Variants in PCDH17 observed in about 807,000 individuals in gnomAD.
The protein encoded by PCDH17 is protocadherin 17.
Under a neutral mutation model 67.7 loss-of-function variants are expected in PCDH17, and 21 were observed. That is an observed-to-expected ratio of 0.31 (90% CI 0.22 to 0.45). The LOEUF is 0.45. Ranked by LOEUF, PCDH17 falls within the 20% of genes least tolerant of loss-of-function variation. PCDH17 has a pLI of 1.00. For missense variants in PCDH17, 1,471 were observed against 1,564.8 expected (o/e 0.94, Z 1.01); for synonymous variants, 701 against 656.7 (o/e 1.07, Z -1.03).
intron 1 of PCDH17, among the ~76,000 whole-genome samples, chr13:57,639,818 A>G (rs901144199): frequency 6.6e-6 from 1 of 151,984 alleles, no homozygotes; most frequent in African/African-American, 2.4e-5. Context: ...AGATCGGCAT[A>G]GAAAAGTATG....
chr13:57,701,653 G>C (rs1293245804), intron 3 of PCDH17, among the ~76,000 whole-genome samples: 1 of 151,994 alleles, frequency 6.6e-6, no homozygotes, highest in East Asian at 1.9e-4. Context: ...TTTGTTTTCG[G>C]TTTTATGTAT....
At chr13:57,660,076 G>A (rs1217508631) in intron 1 of PCDH17, among the ~76,000 whole-genome samples, 1 of 151,806 alleles carries the variant, frequency 6.6e-6, no homozygotes. Context: ...CTATACTAAA[G>A]AAGAAAAAAG....
In PCDH17 at chr13:57,633,258, G is replaced by C; in HGVS notation, c.712G>C (p.Asp238His). 2 of 1,613,268 alleles carry C rather than the reference G, an allele frequency of 1.2e-6. No homozygotes were observed. Among genetic ancestry groups the C allele is most frequent in the Non-Finnish European group, 1.7e-6 (2 of 1,180,010 alleles). Reference sequence around the variant, plus strand: ...CAACGTGAAGGTGATTGACTCCAACGACAACAGCCCGGTCTTCGAGGCGCC... The same window carrying C: ...CAACGTGAAGGTGATTGACTCCAACCACAACAGCCCGGTCTTCGAGGCGCC... ...QINVKVIDSNDNSPVFEAPSY... is the reference protein window; with the variant it reads ...QINVKVIDSNHNSPVFEAPSY... The change falls in exon 1 of 4, where the codon GAC (aspartate) becomes CAC (histidine). Residue 238 changes from aspartate (D) to histidine (H), a missense_variant. Asp to His is a moderately conservative substitution (Grantham distance 81). Coordinates refer to ENST00000377918, the MANE Select transcript of PCDH17 (RefSeq NM_001040429.3). This position sits in a 1 kb window ranked among gnomAD's most constrained non-coding sequence, Gnocchi z 6.2.
intron 3 of PCDH17, among the ~76,000 whole-genome samples, chr13:57,713,561 A>G (rs1955794667): frequency 6.6e-6 from 1 of 151,572 alleles, no homozygotes; most frequent in Non-Finnish European, 1.5e-5. Flanking sequence ...GTATTGTTTG[A>G]GTAAGATCAA....
intron 3 of PCDH17, among the ~76,000 whole-genome samples, chr13:57,695,215 T>C (rs1018173331): frequency 1.3e-5 from 2 of 151,298 alleles, no homozygotes; most frequent in African/African-American, 4.8e-5. Flanking sequence ...GTAGTGTATC[T>C]GTTATAAAAC....
rs201088467 is a variant in PCDH17 at position 57,693,326 on chromosome 13, A to G, written c.2797+26493A>G. On this transcript the variant is annotated intron_variant, in intron 3 of 3. Transcript: ENST00000377918. ...TGTTCACTTACATTCATATATATAT[A>G]TATATATATATATATATATCAAGGA... is the stretch of plus-strand genomic sequence containing the variant. 4.3e-5 allele frequency among the ~76,000 whole-genome samples: 6 copies of G among 140,198 alleles called. No individual in the cohort carries two copies. The East Asian group carries it at 1.0e-3, about 24-fold the overall frequency. 92.0% of individuals were successfully genotyped at this position (140,198 alleles called of 152,430 possible).
chr13:57,633,534 C>G lies in PCDH17; in HGVS notation c.988C>G (p.Pro330Ala). The G allele has an allele frequency of 1.1e-5, 17 of 1,613,862 alleles. No homozygotes were observed. Among genetic ancestry groups the G allele is most frequent in the East Asian group, 2.2e-5 (1 of 44,850 alleles). The change falls in exon 1 of 4, where the codon CCT (proline) becomes GCT (alanine). Residue 330 changes from proline to alanine, a missense_variant. Physicochemically the swap from Pro to Ala is conservative, Grantham distance 27. This residue lies in a region of PCDH17 where 1,163 missense variants were observed against 1,230.0 expected (regional missense o/e 0.95). Transcript: ENST00000377918. This position sits in a 1 kb window ranked among gnomAD's most constrained non-coding sequence, Gnocchi z 6.2. ...DVQARDLGPN[P>A]IPAHCKVTVK... ...GCAGGCCCGAGACCTGGGGCCTAAC[C>G]CTATCCCAGCCCACTGCAAAGTCAC...
intron 3 of PCDH17, among the ~76,000 whole-genome samples, chr13:57,673,830 T>C (rs11839211): frequency 0.061 from 9,225 of 152,014 alleles, 419 homozygotes; most frequent in East Asian, 0.25. Flanking sequence ...TAATAGCTTC[T>C]CAGTGTCAAT....
intron 3 of PCDH17, among the ~76,000 whole-genome samples, chr13:57,717,896 C>A (rs1955835465): frequency 1.3e-5 from 2 of 152,006 alleles, no homozygotes; most frequent in South Asian, 4.1e-4. Flanking sequence ...CTTTATGGGG[C>A]TGATTTTTTA....
intron 3 of PCDH17, among the ~76,000 whole-genome samples, chr13:57,668,355 C>A (rs1470018096): frequency 6.6e-6 from 1 of 151,810 alleles, no homozygotes; most frequent in Non-Finnish European, 1.5e-5. Flanking sequence ...TATGAAAATG[C>A]CTAAAGTAAG....
chr13:57,637,634 A>T (rs913483833), intron 1 of PCDH17, among the ~76,000 whole-genome samples: 1 of 152,020 alleles, frequency 6.6e-6, no homozygotes, highest in Non-Finnish European at 1.5e-5. Context: ...GAGTGCACTT[A>T]GCCTAACTGC....
intron 1 of PCDH17, among the ~76,000 whole-genome samples, chr13:57,652,099 A>T (rs1179622772): frequency 6.6e-6 from 1 of 151,676 alleles, no homozygotes; most frequent in Middle Eastern, 3.2e-3. Flanking sequence ...TAACAAGGTG[A>T]AACCCCGTCT....
Position 57,632,975 on chromosome 13 carries a change from G to T in PCDH17, c.429G>T (p.Glu143Asp). 6.2e-7 allele frequency: 1 copy of T among 1,613,586 alleles called. No individual in the cohort carries two copies. The highest frequency in any genetic ancestry group is 8.5e-7 in the Non-Finnish European group (1 of 1,180,000). Residue 143 changes from glutamate to aspartate, a missense_variant, in exon 1 of 4, where the codon GAG becomes GAT. Transcript: ENST00000377918. ...SSDQIEMDISENAAPGTRFPL... is the reference protein window; with the variant it reads ...SSDQIEMDISDNAAPGTRFPL... ...ACCAGATCGAAATGGACATCTCGGA[G>T]AACGCTGCTCCGGGCACCCGCTTCC... is the stretch of plus-strand genomic sequence containing the variant.
At chr13:57,686,527 G>A (rs1955509578) in intron 3 of PCDH17, among the ~76,000 whole-genome samples, 1 of 151,926 alleles carries the variant, frequency 6.6e-6, no homozygotes, top group Non-Finnish European at 1.5e-5. Flanking sequence ...CCCATATAAA[G>A]TGATATGAAC....
At chr13:57,647,869 A>AT (rs1954985056) in intron 1 of PCDH17, among the ~76,000 whole-genome samples, 1 of 151,842 alleles carries the variant, frequency 6.6e-6, no homozygotes, top group South Asian at 2.1e-4. Context: ...TAGAATGCTA[A>AT]TTTTTTTAAC....
chr13:57,648,420 A>C (rs1021295909), intron 1 of PCDH17, among the ~76,000 whole-genome samples: 1 of 151,994 alleles, frequency 6.6e-6, no homozygotes, highest in African/African-American at 2.4e-5. Context: ...ATTGACCTTT[A>C]GCTGCCATTT....
rs762494747 is a variant in PCDH17, at chr13:57,633,001, C to T, written c.455C>T (p.Pro152Leu). 1 of 1,613,156 alleles carries T rather than the reference C, an allele frequency of 6.2e-7. No homozygotes were observed. Among genetic ancestry groups the T allele is most frequent in the South Asian group, 1.1e-5 (1 of 91,068 alleles). Residue 152 changes from proline (P) to leucine (L), a missense_variant, in exon 1 of 4, where the codon CCC becomes CTC. Pro to Leu is a moderately conservative substitution (Grantham distance 98). Coordinates refer to ENST00000377918, the MANE Select transcript of PCDH17 (RefSeq NM_001040429.3). The surrounding 1 kb of genome is among the most constrained non-coding windows in gnomAD (Gnocchi z 6.2). ...SENAAPGTRF[P>L]LTSAHDPDAG... is the part of the protein sequence containing the mutation. ...AACGCTGCTCCGGGCACCCGCTTCCCCCTCACCAGCGCACATGACCCCGAC... is the reference window on the plus strand; with the variant it reads ...AACGCTGCTCCGGGCACCCGCTTCCTCCTCACCAGCGCACATGACCCCGAC...
At chr13:57,670,009 GTT>G (rs1490253212) in intron 3 of PCDH17, among the ~76,000 whole-genome samples, 2 of 151,894 alleles carry the variant, frequency 1.3e-5, no homozygotes, top group Admixed American at 1.3e-4. Context: ...GGAAAGTACT[GTT>G]ACTCTCACAT....
chr13:57,707,293 A>C (rs1037441374), intron 3 of PCDH17, among the ~76,000 whole-genome samples: 5 of 151,588 alleles, frequency 3.3e-5, no homozygotes, highest in African/African-American at 1.2e-4. Flanking sequence ...TACGTATGTC[A>C]TAAAAAAACT....
Sources: gnomAD v4.1 joint callset for allele counts (sites outside exome capture counted in the v4.1 genomes callset) on GRCh38, gnomAD v4.1.1 for gene constraint, gnomAD v4.1.1 regional missense constraint, Gnocchi (gnomAD v3.1) non-coding constraint, MANE v1.5 for transcripts, NCBI Gene and HGNC (gene_info 2026-07-23, HGNC 2026-07-21) for gene names.